Variants in CDH13 observed in about 807,000 individuals in gnomAD.
The protein encoded by CDH13 is cadherin-13.
A neutral mutation model predicts 63.8 loss-of-function variants in CDH13; 24 were observed. The ratio of observed to expected loss-of-function variants is 0.38; its 90% CI spans 0.27 to 0.53. The LOEUF is 0.53. Ranked by LOEUF, CDH13 falls within the 20% of genes least tolerant of loss-of-function variation. The probability of loss-of-function intolerance (pLI) is 0.85; values close to 1 mark genes in which losing one functional copy is unlikely to be tolerated. For synonymous variants in CDH13, 503 were observed against 355.3 expected, an observed-to-expected ratio of 1.42 and a Z score of -4.67; for missense variants, 1,049 against 903.1, an observed-to-expected ratio of 1.16 and a Z score of -2.07.
chr16:83,430,428 T>TTGA (rs1350258573), intron 6 of CDH13, among the ~76,000 whole-genome samples: 1 of 152,212 alleles, frequency 6.6e-6, no homozygotes, highest in Admixed American at 6.5e-5. Flanking sequence ...AACAACCTAA[T>TTGA]TGATGGGAGC....
chr16:83,387,127 A>G (rs1182186709), intron 6 of CDH13, among the ~76,000 whole-genome samples: 1 of 152,186 alleles, frequency 6.6e-6, no homozygotes, highest in African/African-American at 2.4e-5. Context: ...GTGTTAGGTC[A>G]ACCAAGTTAC....
chr16:83,034,678 C>G (rs1916687274), intron 3 of CDH13, among the ~76,000 whole-genome samples: 1 of 152,154 alleles, frequency 6.6e-6, no homozygotes, highest in African/African-American at 2.4e-5. Context: ...GGTGGCTCAT[C>G]TTTCTATCTG....
rs186635693 is a variant in CDH13 at position 83,358,333 on chromosome 16, G to A, written c.781+13327G>A. Among the ~76,000 whole-genome samples, 36 of 152,222 alleles carry A rather than the reference G, an allele frequency of 2.4e-4. No individual in the cohort carries two copies. In the East Asian group the frequency reaches 5.8e-3, roughly 24 times the overall value. The stretch of plus-strand genomic sequence containing the variant: ...TATTTCTTTTGCTGTCTGGAGTAGC[G>A]ATATGATGGCTAGAACTCAAGCAGC... On this transcript the variant is annotated intron_variant, in intron 6 of 13. Transcript: ENST00000567109.
chr16:82,778,560 A>G (rs1053013661), intron 1 of CDH13, among the ~76,000 whole-genome samples: 27 of 137,190 alleles, frequency 2.0e-4, no homozygotes, highest in Non-Finnish European at 3.7e-4. Context: ...GGCCTTTGGA[A>G]TCACGACCAG....
intron 1 of CDH13, among the ~76,000 whole-genome samples, chr16:82,726,149 T>C (rs1253156262): frequency 6.6e-6 from 1 of 152,194 alleles, no homozygotes; most frequent in Non-Finnish European, 1.5e-5. Context: ...GTGTGTGTGC[T>C]GTGTGCATGT....
chr16:83,289,182 ATATGAATGTGCG>A (rs112777111), intron 5 of CDH13, among the ~76,000 whole-genome samples: 5,323 of 152,338 alleles, frequency 0.035, 215 homozygotes, highest in African/African-American at 0.091. Flanking sequence ...CACTGTCTGC[ATATGAATGTGCG>A]TGAACTTGGT....
At chr16:83,289,081 G>A (rs1369598266) in intron 5 of CDH13, among the ~76,000 whole-genome samples, 6 of 152,170 alleles carry the variant, frequency 3.9e-5, no homozygotes, top group Admixed American at 1.3e-4. Context: ...AGTGAAACAG[G>A]AGTGAAAAGA....
At chr16:83,603,986 T>C (rs776700700) in intron 8 of CDH13, among the ~76,000 whole-genome samples, 1 of 152,056 alleles carries the variant, frequency 6.6e-6, no homozygotes, top group Non-Finnish European at 1.5e-5. Flanking sequence ...ATGAGAATTT[T>C]ATCATGAGAC....
intron 2 of CDH13, among the ~76,000 whole-genome samples, chr16:82,998,704 C>G (rs1486436688): frequency 6.6e-6 from 1 of 152,084 alleles, no homozygotes; most frequent in Admixed American, 6.5e-5. Flanking sequence ...AGCAGTTATT[C>G]ATAAATGGAT....
chr16:82,884,255 A>C (rs1054542963), intron 2 of CDH13: 1 of 453,738 alleles, frequency 2.2e-6, no homozygotes, highest in Non-Finnish European at 4.4e-6. Flanking sequence ...CATGAGAAGG[A>C]AATCTGCAGG....
At chr16:83,625,703 A>G (rs7193679) in intron 8 of CDH13, among the ~76,000 whole-genome samples, 21,564 of 152,210 alleles carry the variant, frequency 0.14, 1,712 homozygotes, top group African/African-American at 0.21. Flanking sequence ...TCGTCCCCTG[A>G]GGGAGGGCAG....
chr16:83,340,548 C>G (rs2090698675), intron 5 of CDH13, among the ~76,000 whole-genome samples: 3 of 152,178 alleles, frequency 2.0e-5, no homozygotes, highest in Non-Finnish European at 4.4e-5. Flanking sequence ...TCTCCAACCC[C>G]TGTGTCTCAG....
At chr16:83,285,614 A>G (rs913677742) in intron 5 of CDH13, among the ~76,000 whole-genome samples, 1 of 152,174 alleles carries the variant, frequency 6.6e-6, no homozygotes, top group African/African-American at 2.4e-5. Context: ...AGTAATCTAG[A>G]GATGATTTCA....
intron 3 of CDH13, among the ~76,000 whole-genome samples, chr16:83,068,302 C>T (rs1445447930): frequency 6.6e-6 from 1 of 152,172 alleles, no homozygotes; most frequent in Non-Finnish European, 1.5e-5. Context: ...CTTTCATCCC[C>T]ACTTTATTAT....
intron 3 of CDH13, among the ~76,000 whole-genome samples, chr16:83,073,900 G>A (rs8059052): frequency 0.61 from 92,499 of 151,866 alleles, 29,118 homozygotes; most frequent in African/African-American, 0.78. Flanking sequence ...GATATATGTG[G>A]TATTTTGTTA....
intron 7 of CDH13, 83 bp from the exon 8 acceptor site, chr16:83,602,371 C>A: frequency 7.2e-7 from 1 of 1,394,474 alleles, no homozygotes; most frequent in Non-Finnish European, 1.0e-6. Context: ...GGAGAGACAG[C>A]TCCAGCAACA....
At chr16:83,182,374 C>T (rs975495247) in intron 4 of CDH13, among the ~76,000 whole-genome samples, 1 of 152,152 alleles carries the variant, frequency 6.6e-6, no homozygotes. Context: ...AGGTTCAGAC[C>T]CCTTGGTCTT....
chr16:83,217,604 T>C (rs1401926894), intron 5 of CDH13, 107 bp downstream of exon 5: 7 of 1,151,870 alleles, frequency 6.1e-6, no homozygotes, highest in Non-Finnish European at 8.7e-6. Context: ...AACCCGGGAC[T>C]GCATGGCTTT....
rs536531885 is a variant in CDH13 at position 83,023,123 on chromosome 16, A to G, written c.158-8887A>G. 16 of 152,314 alleles carry G rather than the reference A, an allele frequency of 1.1e-4. No homozygotes were observed. In the South Asian group the frequency reaches 2.5e-3, roughly 24 times the overall value. 9.4% of individuals were successfully genotyped at this position (152,314 alleles called of 1,614,324 possible). ...GGGAAGATTAAGCCCCTTAATTCAC[A>G]TGTCAAACTTGCCATTTCAATTGTG... On this transcript the variant is annotated intron_variant, in intron 2 of 13. Coordinates refer to ENST00000567109, the MANE Select transcript of CDH13 (RefSeq NM_001257.5).
Sources: gnomAD v4.1 joint callset for allele counts (sites outside exome capture counted in the v4.1 genomes callset) on GRCh38, gnomAD v4.1.1 for gene constraint, MANE v1.5 for transcripts, NCBI Gene and HGNC (gene_info 2026-07-23, HGNC 2026-07-21) for gene names.